Variants in RAP1B observed in about 807,000 individuals in gnomAD.
RAP1B encodes the protein ras-related protein Rap-1b.
In RAP1B, 1 loss-of-function variant was observed where a neutral mutation model predicts 27.5. The ratio of observed to expected loss-of-function variants is 0.04; its 90% confidence interval spans 0.01 to 0.17. The LOEUF is 0.17. Among genes scored for constraint, RAP1B ranks in the 10% least tolerant of loss-of-function variants. The pLI, the probability that RAP1B is intolerant of heterozygous loss-of-function variation, is 1.00. For synonymous variants in RAP1B, 75 were observed against 73.1 expected (o/e 1.03, Z -0.13); for missense variants, 84 against 214.8 (o/e 0.39, Z 3.81).
At position 68,658,275 on chromosome 12, in the gene RAP1B, C is replaced by T. The variant is rs1874370324; in HGVS notation, c.*31-1005C>T. On this transcript the variant is annotated intron_variant, in intron 7 of 7. Coordinates refer to ENST00000250559, the MANE Select transcript of RAP1B (RefSeq NM_001010942.3). ...GGCTTTCTGTTTAGTGGTATATCCT[C>T]TCATTCTAATATCCTATAATTCCTG... Among the ~76,000 whole-genome samples the T allele has an allele frequency of 2.0e-5, 3 of 152,190 alleles. No homozygotes were observed. In the South Asian group the frequency reaches 6.2e-4, roughly 32 times the overall value.
At chr12:68,636,182 G>C (rs1288678927) in intron 1 of RAP1B, among the ~76,000 whole-genome samples, 2 of 152,096 alleles carry the variant, frequency 1.3e-5, no homozygotes, top group Non-Finnish European at 2.9e-5. Flanking sequence ...ATGACAGTCA[G>C]CTATTTTTTT....
chr12:68,645,263 G>T (rs1448178358), intron 1 of RAP1B, among the ~76,000 whole-genome samples: 1 of 152,150 alleles, frequency 6.6e-6, no homozygotes, highest in Non-Finnish European at 1.5e-5. Flanking sequence ...GGCTCTGAAA[G>T]GTTTCGTGAC....
At chr12:68,644,249 A>G (rs1770276016) in intron 1 of RAP1B, among the ~76,000 whole-genome samples, 1 of 152,124 alleles carries the variant, frequency 6.6e-6, no homozygotes, top group African/African-American at 2.4e-5. Flanking sequence ...TTGCTTTTTT[A>G]TATTGACATG....
At chr12:68,625,179 A>T (rs998240397) in intron 1 of RAP1B, among the ~76,000 whole-genome samples, 6 of 152,214 alleles carry the variant, frequency 3.9e-5, no homozygotes, top group Non-Finnish European at 8.8e-5. Flanking sequence ...TTAAGTGTTT[A>T]TTCATATGTG....
chr12:68,616,375 C>T (rs542023445), intron 1 of RAP1B, among the ~76,000 whole-genome samples: 1 of 151,942 alleles, frequency 6.6e-6, no homozygotes, highest in African/African-American at 2.4e-5. Context: ...GCCTCCGCCT[C>T]CAGGGGTCAA....
At chr12:68,653,800 G>A (rs1873995196) in intron 4 of RAP1B, among the ~76,000 whole-genome samples, 7 of 151,814 alleles carry the variant, frequency 4.6e-5, no homozygotes, top group Admixed American at 3.9e-4. Context: ...GCATGGTGGT[G>A]TGCGCCTGTT....
chr12:68,664,286 A>G lies in RAP1B; in HGVS notation c.*5037A>G, dbSNP rs1874752906. ...GCCATTATTACCCATTCAAATTTCT[A>G]TTTATGTCTGGTAGTTATGTCCCCT... On this transcript the variant is annotated 3_prime_UTR_variant, in exon 8 of 8. Coordinates refer to ENST00000250559, the MANE Select transcript of RAP1B (RefSeq NM_001010942.3). 2.0e-5 allele frequency: 3 copies of G among 152,190 alleles called. No individual in the cohort carries two copies. Among genetic ancestry groups the G allele is most frequent in the Admixed American group, 6.5e-5 (1 of 15,274 alleles). The allele number at this position is 152,190 out of a possible 1,614,324, so 9.4% of individuals were successfully genotyped here. A position where few individuals can be genotyped will look rare whatever the true frequency, so the allele number is the denominator to read the frequency against.
At chr12:68,644,990 C>T (rs777327247) in intron 1 of RAP1B, among the ~76,000 whole-genome samples, 3 of 152,146 alleles carry the variant, frequency 2.0e-5, no homozygotes, top group Non-Finnish European at 4.4e-5. Context: ...TGAGCCACCA[C>T]GCCTGGCCTG....
rs930507433 is a variant in RAP1B at position 68,663,176 on chromosome 12, G to T, written c.*3927G>T. ...CCTCCCAGGTTCAAGCAATTCTTCT[G>T]CCTCAGCCTCCTGAATAGCTGGGAT... On this transcript the variant is annotated 3_prime_UTR_variant, in exon 8 of 8. Coordinates refer to ENST00000250559, the MANE Select transcript of RAP1B (RefSeq NM_001010942.3). 4 of 151,482 alleles carry T rather than the reference G, an allele frequency of 2.6e-5. No homozygotes were observed. Among genetic ancestry groups the T allele is most frequent in the African/African-American group, 9.7e-5 (4 of 41,094 alleles). 9.4% of individuals were successfully genotyped at this position (151,482 alleles called of 1,614,324 possible). A position where few individuals can be genotyped will look rare whatever the true frequency, so the allele number is the denominator to read the frequency against.
intron 1 of RAP1B, among the ~76,000 whole-genome samples, chr12:68,623,560 T>C (rs1295326303): frequency 1.3e-5 from 2 of 152,224 alleles, no homozygotes; most frequent in Non-Finnish European, 2.9e-5. Flanking sequence ...ACAATATTAA[T>C]GTGGAACATG....
At chr12:68,657,768 ACACACGTG>A (rs1565675641) in intron 7 of RAP1B, 1 of 125,922 alleles carries the variant, frequency 7.9e-6, no homozygotes, top group East Asian at 2.4e-4. Context: ...ACACACACAC[ACACACGTG>A]CGCGCGTGCG....
At chr12:68,656,948 A>G (rs1220810540) in intron 6 of RAP1B, among the ~76,000 whole-genome samples, 153 bp from the exon 7 acceptor site, 1 of 152,122 alleles carries the variant, frequency 6.6e-6, no homozygotes, top group African/African-American at 2.4e-5. Context: ...TGAGCTTGGC[A>G]GTTATAACAC....
In RAP1B at chr12:68,660,426, G is replaced by A. The variant is rs1481766694; in HGVS notation, c.*1177G>A. 4.6e-5 allele frequency: 7 copies of A among 152,294 alleles called. No individual in the cohort carries two copies. The highest frequency in any genetic ancestry group is 6.6e-5 in the Admixed American group (1 of 15,236). The allele number at this position is 152,294 out of a possible 1,614,324, so 9.4% of individuals were successfully genotyped here. A position where few individuals can be genotyped will look rare whatever the true frequency, so the allele number is the denominator to read the frequency against. Reference sequence around the variant, plus strand: ...TACAACTACTTTGAGGTGGCCAAATGTAAACTAAAAGCCTTAATTAAAGTG... The same window carrying A: ...TACAACTACTTTGAGGTGGCCAAATATAAACTAAAAGCCTTAATTAAAGTG... On this transcript the variant is annotated 3_prime_UTR_variant, in exon 8 of 8. Transcript: ENST00000250559.
rs1318460250 is a variant in RAP1B at position 68,660,810 on chromosome 12, A to G, written c.*1561A>G. The G allele has an allele frequency of 6.6e-6, 1 of 152,198 alleles. No homozygotes were observed. The highest frequency in any genetic ancestry group is 6.5e-5 in the Admixed American group (1 of 15,286). 9.4% of individuals were successfully genotyped at this position (152,198 alleles called of 1,614,324 possible). On this transcript the variant is annotated 3_prime_UTR_variant, in exon 8 of 8. Coordinates refer to ENST00000250559, the MANE Select transcript of RAP1B (RefSeq NM_001010942.3). ...TGCCTTTGGGTAATGTTCAGTAGCT[A>G]TTTGATGAGGTAGGTAAAAGAGGAA...
chr12:68,656,521 ACCC>A, intron 6 of RAP1B, 72 bp downstream of exon 6: 1 of 1,475,872 alleles, frequency 6.8e-7, no homozygotes, highest in South Asian at 1.1e-5. Flanking sequence ...AAATGTCTTA[ACCC>A]CAAGTTAATA....
chr12:68,636,463 C>T (rs992653243), intron 1 of RAP1B, among the ~76,000 whole-genome samples: 12 of 152,170 alleles, frequency 7.9e-5, no homozygotes, highest in African/African-American at 2.2e-4. Context: ...CAAGTTCTTG[C>T]GTCACCCATG....
intron 1 of RAP1B, among the ~76,000 whole-genome samples, chr12:68,631,702 T>TA (rs1872249473): frequency 6.6e-6 from 1 of 152,176 alleles, no homozygotes; most frequent in African/African-American, 2.4e-5. Context: ...TGAAATATTG[T>TA]AACTTTTTTT....
intron 4 of RAP1B, among the ~76,000 whole-genome samples, chr12:68,653,564 A>G (rs1455281078): frequency 6.6e-6 from 1 of 152,208 alleles, no homozygotes; most frequent in African/African-American, 2.4e-5. Flanking sequence ...TTTTGGGGAC[A>G]GGATATTTCT....
chr12:68,641,527 C>G (rs1366833134), intron 1 of RAP1B, among the ~76,000 whole-genome samples: 3 of 152,130 alleles, frequency 2.0e-5, no homozygotes, highest in Non-Finnish European at 4.4e-5. Flanking sequence ...TAATAATAAA[C>G]TACTTTTAAA....
Sources: gnomAD v4.1 joint callset for allele counts (sites outside exome capture counted in the v4.1 genomes callset) on GRCh38, gnomAD v4.1.1 for gene constraint, MANE v1.5 for transcripts, NCBI Gene and HGNC (gene_info 2026-07-23, HGNC 2026-07-21) for gene names.